The following NOL4 variants were observed in gnomAD, a reference collection of about 807,000 sequenced individuals.
The protein encoded by NOL4 is cancer/testis antigen 125.
Under a neutral mutation model 75.9 loss-of-function variants are expected in NOL4, and 17 were observed. The observed-to-expected ratio is 0.22, with a 90% CI of 0.15 to 0.34. The LOEUF (loss-of-function observed/expected upper bound fraction) is 0.34. Ranked by LOEUF, NOL4 falls within the 10% of genes least tolerant of loss-of-function variation. The pLI is 1.00. For synonymous variants in NOL4, 292 were observed against 289.9 expected (o/e 1.01, Z -0.07); for missense variants, 614 against 793.5 (o/e 0.77, Z 2.72).
intron 1 of NOL4, among the ~76,000 whole-genome samples, chr18:34,182,112 G>A (rs2034090511): frequency 6.6e-6 from 1 of 151,450 alleles, no homozygotes. Context: ...ATACACAAAT[G>A]TTCATAGCAG....
chr18:34,171,742 G>GT (rs2033061888), intron 1 of NOL4, among the ~76,000 whole-genome samples: 1 of 152,124 alleles, frequency 6.6e-6, no homozygotes, highest in Non-Finnish European at 1.5e-5. Context: ...ATATTTGAAT[G>GT]TAGTCACTCA....
Position 34,167,024 on chromosome 18 carries a change from G to A in NOL4, c.265-37004C>T, listed in dbSNP as rs1259814705. Among the ~76,000 whole-genome samples, 4 of 23,488 alleles carry A rather than the reference G, an allele frequency of 1.7e-4. 1 individual carries two copies. Among genetic ancestry groups the A allele is most frequent in the African/African-American group, 4.5e-4 (3 of 6,648 alleles). The allele number at this position is 23,488 out of a possible 152,430, so 15.4% of individuals were successfully genotyped here. On this transcript the variant is annotated intron_variant, in intron 1 of 10. Transcript: ENST00000261592. The stretch of plus-strand genomic sequence containing the variant: ...CTGCAGTCCGCAGTCCGGCCTGGGC[G>A]ACAGAGCGAGACTCCGTCTCAAAAA...
At chr18:34,160,666 T>C (rs974569041) in intron 1 of NOL4, among the ~76,000 whole-genome samples, 3 of 152,196 alleles carry the variant, frequency 2.0e-5, no homozygotes, top group African/African-American at 7.2e-5. Context: ...AAATGATCTT[T>C]TAATTAGAGT....
At chr18:34,048,629 T>C (rs1263853075) in intron 5 of NOL4, 1 of 985,044 alleles carries the variant, frequency 1.0e-6, no homozygotes, top group African/African-American at 1.7e-5. Context: ...GGAGATGGTG[T>C]TGCTATGACA....
chr18:33,989,845 C>T (rs1276258576), intron 6 of NOL4, among the ~76,000 whole-genome samples: 1 of 151,976 alleles, frequency 6.6e-6, no homozygotes, highest in African/African-American at 2.4e-5. Context: ...ATCATTATGC[C>T]CTATATAGCA....
In NOL4 at chr18:33,861,369, G is replaced by A. The variant is rs571373709; in HGVS notation, c.1724-8334C>T. On this transcript the variant is annotated intron_variant, in intron 10 of 10. Coordinates refer to ENST00000261592, the MANE Select transcript of NOL4 (RefSeq NM_003787.5). ...CTTCCTGGTTTAGTCTTGGGAGAGTGTATGCGTCAAGGAATTTATCCATTT... is the reference window on the plus strand; with the variant it reads ...CTTCCTGGTTTAGTCTTGGGAGAGTATATGCGTCAAGGAATTTATCCATTT... 1.9e-4 allele frequency among the ~76,000 whole-genome samples: 29 copies of A among 152,274 alleles called. No homozygotes were observed. The South Asian group carries it at 2.5e-3, about 13-fold the overall frequency.
intron 6 of NOL4, among the ~76,000 whole-genome samples, chr18:34,015,518 G>C (rs1380569003): frequency 6.6e-6 from 1 of 151,798 alleles, no homozygotes; most frequent in African/African-American, 2.4e-5. Context: ...TTCTCCTTGG[G>C]TATATGTTTC....
chr18:33,912,024 T>A (rs942662388), intron 9 of NOL4, among the ~76,000 whole-genome samples: 3 of 152,218 alleles, frequency 2.0e-5, no homozygotes, highest in African/African-American at 7.2e-5. Context: ...AACAACTTGT[T>A]AGATACACTT....
At chr18:34,063,130 A>G (rs985734979) in intron 5 of NOL4, among the ~76,000 whole-genome samples, 4 of 152,084 alleles carry the variant, frequency 2.6e-5, no homozygotes, top group Non-Finnish European at 5.9e-5. Flanking sequence ...TGGATGAAAG[A>G]TGAAAAACTG....
intron 6 of NOL4, among the ~76,000 whole-genome samples, chr18:33,963,868 C>T (rs1323992896): frequency 6.6e-6 from 1 of 152,068 alleles, no homozygotes; most frequent in Non-Finnish European, 1.5e-5. Context: ...TAGTCAGAGC[C>T]TAGGATGGCT....
chr18:34,223,274 G>A lies in NOL4; in HGVS notation c.-21C>T, dbSNP rs1023890949. On this transcript the variant is annotated 5_prime_UTR_variant, in exon 1 of 11. Coordinates refer to ENST00000261592, the MANE Select transcript of NOL4 (RefSeq NM_003787.5). ...TCCATGTTCCCCGCGCTCGGCCGCTGGCCGGATGCTCCCAGCGCACTTCGC... is the reference window on the plus strand; with the variant it reads ...TCCATGTTCCCCGCGCTCGGCCGCTAGCCGGATGCTCCCAGCGCACTTCGC... The A allele has an allele frequency of 6.2e-7, 1 of 1,610,506 alleles. No individual in the cohort carries two copies. Among genetic ancestry groups the A allele is most frequent in the Non-Finnish European group, 8.5e-7 (1 of 1,179,120 alleles).
At chr18:33,898,169 T>A (rs1020221972) in intron 9 of NOL4, among the ~76,000 whole-genome samples, 3 of 152,160 alleles carry the variant, frequency 2.0e-5, no homozygotes, top group African/African-American at 7.2e-5. Context: ...TGCCTTGGCC[T>A]CCCAAAGTGC....
chr18:33,865,828 T>G (rs1175435916), intron 10 of NOL4, among the ~76,000 whole-genome samples: 1 of 152,188 alleles, frequency 6.6e-6, no homozygotes, highest in Non-Finnish European at 1.5e-5. Flanking sequence ...TTCAAACACT[T>G]AACTCCTCCT....
intron 6 of NOL4, among the ~76,000 whole-genome samples, chr18:33,982,586 A>C (rs1457947140): frequency 1.3e-5 from 2 of 152,124 alleles, no homozygotes; most frequent in Non-Finnish European, 2.9e-5. Flanking sequence ...TACCACAGGG[A>C]GAAATAGATT....
intron 1 of NOL4, among the ~76,000 whole-genome samples, chr18:34,205,808 G>A (rs1357766176): frequency 6.6e-6 from 1 of 151,862 alleles, no homozygotes; most frequent in African/African-American, 2.4e-5. Context: ...TAAAACCCCA[G>A]GCAAAGGGAT....
At chr18:34,063,224 A>C (rs540666275) in intron 5 of NOL4, among the ~76,000 whole-genome samples, 1 of 152,198 alleles carries the variant, frequency 6.6e-6, no homozygotes, top group African/African-American at 2.4e-5. Context: ...ATGGGAAATA[A>C]AGCCAAATGG....
At chr18:34,168,708 G>C (rs73418494) in intron 1 of NOL4, among the ~76,000 whole-genome samples, 2,850 of 151,802 alleles carry the variant, frequency 0.019, 106 homozygotes, top group African/African-American at 0.065. Flanking sequence ...AATATGGTAG[G>C]AGTCAAAGGA....
chr18:34,218,018 T>C lies in NOL4; in HGVS notation c.264+4972A>G, dbSNP rs934528429. ...CCATCTATGCTATCCATGAAGTTTGTTTTATCTTGTTATATAAAGATTGTA... is the reference window on the plus strand; with the variant it reads ...CCATCTATGCTATCCATGAAGTTTGCTTTATCTTGTTATATAAAGATTGTA... On this transcript the variant is annotated intron_variant, in intron 1 of 10. Transcript: ENST00000261592. Among the ~76,000 whole-genome samples the C allele has an allele frequency of 7.9e-5, 12 of 152,164 alleles. No homozygotes were observed. The South Asian group carries it at 2.1e-3, about 26-fold the overall frequency.
At chr18:34,038,495 C>T (rs1259656678) in intron 5 of NOL4, among the ~76,000 whole-genome samples, 2 of 151,994 alleles carry the variant, frequency 1.3e-5, no homozygotes, top group African/African-American at 2.4e-5. Flanking sequence ...AAGTGTCCAT[C>T]AGTAAACAAA....
Sources: allele counts gnomAD v4.1 joint callset (sites outside exome capture counted in the v4.1 genomes callset), GRCh38; gene constraint gnomAD v4.1.1; transcripts MANE v1.5; gene names NCBI Gene and HGNC (gene_info 2026-07-23, HGNC 2026-07-21).